METTL16: variants seen among roughly 807,000 people sequenced by gnomAD.
METTL16 encodes RNA N(6)-adenosine-methyltransferase METTL16.
METTL16 carries 19 observed loss-of-function variants against 57.9 expected under a neutral mutation model. The ratio of observed to expected loss-of-function variants is 0.33; its 90% CI spans 0.23 to 0.48. The LOEUF is 0.48. Among genes scored for constraint, METTL16 ranks in the 20% least tolerant of loss-of-function variants. The pLI is 0.99. For synonymous variants in METTL16, 246 were observed against 255.6 expected (o/e 0.96, Z 0.36); for missense variants, 434 against 691.5 (o/e 0.63, Z 4.18).
chr17:2,493,452 C>T (rs1231917261), intron 2 of METTL16, among the ~76,000 whole-genome samples: 1 of 151,714 alleles, frequency 6.6e-6, no homozygotes. Flanking sequence ...GGCGCTGTGG[C>T]TCACACCTGT....
chr17:2,436,224 T>A (rs180913870), intron 8 of METTL16, among the ~76,000 whole-genome samples: 1 of 152,240 alleles, frequency 6.6e-6, no homozygotes, highest in Non-Finnish European at 1.5e-5. Flanking sequence ...ACAGAAAGGA[T>A]AATTCTTCGG....
intron 1 of METTL16, among the ~76,000 whole-genome samples, chr17:2,504,422 TGA>T (rs2067514805): frequency 2.0e-5 from 3 of 151,898 alleles, no homozygotes; most frequent in African/African-American, 7.3e-5. Context: ...AACGTAAGAG[TGA>T]GTCTTTTTTT....
rs577442963 is a variant in METTL16 at position 2,491,994 on chromosome 17, G to A, written c.128+10210C>T. Among the ~76,000 whole-genome samples, 3 of 150,918 alleles carry A rather than the reference G, an allele frequency of 2.0e-5. 1 individual carries two copies. Among genetic ancestry groups the A allele is most frequent in the Non-Finnish European group, 3.0e-5 (2 of 67,778 alleles). ...TAGGAGGCCAAGGCTGACGGATCAC[G>A]AGGTCAGGAGATCGAGACCATCCTG... On this transcript the variant is annotated intron_variant, in intron 2 of 9. Transcript: ENST00000263092.
intron 4 of METTL16, 105 bp from the exon 5 acceptor site, chr17:2,467,981 T>C (rs1567896429): frequency 1.3e-6 from 1 of 761,374 alleles, no homozygotes; most frequent in Non-Finnish European, 2.3e-6. Context: ...TATATGATGG[T>C]GGTCCCGTAA....
chr17:2,438,534 GCT>G lies in METTL16; in HGVS notation c.799-338_799-337del, dbSNP rs559442736. On this transcript the variant is annotated intron_variant, in intron 7 of 9. Transcript: ENST00000263092. ...TTTTGTTTTTTTGAGACAGAGTCTT[GCT>G]CTGTCACCCAGGCTGGAGTGCAGTG... is the stretch of plus-strand genomic sequence containing the variant. Among the ~76,000 whole-genome samples, 11 of 152,204 alleles carry G rather than the reference GCT, an allele frequency of 7.2e-5. No individual in the cohort carries two copies. In the East Asian group the frequency reaches 2.1e-3, roughly 29 times the overall value.
Position 2,420,670 on chromosome 17 carries a change from AG to A in METTL16, c.1062+60del, listed in dbSNP as rs1038015750. ...CTCCAAACTCTCAATAAAAAAAAAA[AG>A]AAAAAAGAAAAAAGAGAAGGATCAT... On this transcript the variant is annotated intron_variant, in intron 9 of 9. Transcript: ENST00000263092. The surrounding 1 kb of genome is among the most constrained non-coding windows in gnomAD (Gnocchi z 5.4). 1.3e-6 allele frequency: 2 copies of A among 1,556,938 alleles called. No individual in the cohort carries two copies. The highest frequency in any genetic ancestry group is 2.9e-5 in the African/African-American group (2 of 68,024).
Position 2,481,476 on chromosome 17 carries a change from A to T in METTL16, c.129-3591T>A, listed in dbSNP as rs1265951294. 2.0e-5 allele frequency among the ~76,000 whole-genome samples: 3 copies of T among 152,210 alleles called. No individual in the cohort carries two copies. In the East Asian group the frequency reaches 5.8e-4, roughly 29 times the overall value. ...AAGGGATACAGCAAGCAAGACCCAAAAAAGCAGGCACAATTAAACAAAATT... is the reference window on the plus strand; with the variant it reads ...AAGGGATACAGCAAGCAAGACCCAATAAAGCAGGCACAATTAAACAAAATT... On this transcript the variant is annotated intron_variant, in intron 2 of 9. Coordinates refer to ENST00000263092, the MANE Select transcript of METTL16 (RefSeq NM_024086.4).
intron 3 of METTL16, among the ~76,000 whole-genome samples, chr17:2,475,738 T>TAA: frequency 1.3e-5 from 2 of 152,320 alleles, no homozygotes; most frequent in South Asian, 4.1e-4. Context: ...GGAAAGTACA[T>TAA]AATGGTAGAA....
At chr17:2,493,498 C>G (rs1214744582) in intron 2 of METTL16, among the ~76,000 whole-genome samples, 1 of 151,896 alleles carries the variant, frequency 6.6e-6, no homozygotes, top group Admixed American at 6.5e-5. Context: ...GCGGGCGGAT[C>G]ACTTGACGTC....
At chr17:2,427,011 C>T (rs1182888592) in intron 8 of METTL16, among the ~76,000 whole-genome samples, 1 of 150,694 alleles carries the variant, frequency 6.6e-6, no homozygotes, top group Non-Finnish European at 1.5e-5. Flanking sequence ...GGCATGGAGG[C>T]ATACACCTGT....
At chr17:2,443,100 C>T (rs1175750380) in intron 6 of METTL16, among the ~76,000 whole-genome samples, 13 of 152,206 alleles carry the variant, frequency 8.5e-5, no homozygotes, top group Non-Finnish European at 7.4e-5. Context: ...GCGATTTTCC[C>T]GCCTCAGCCT....
intron 1 of METTL16, among the ~76,000 whole-genome samples, chr17:2,508,097 T>G (rs1395940861): frequency 6.8e-6 from 1 of 146,402 alleles, no homozygotes; most frequent in Non-Finnish European, 1.5e-5. Flanking sequence ...AATCCCCCTC[T>G]GCGAGAAACA....
intron 6 of METTL16, among the ~76,000 whole-genome samples, chr17:2,458,859 T>A (rs2067129405): frequency 6.6e-6 from 1 of 150,918 alleles, no homozygotes; most frequent in Non-Finnish European, 1.5e-5. Flanking sequence ...CAAGCTGGAG[T>A]GCAGTGGTAC....
At chr17:2,466,067 C>T (rs1037087048) in intron 5 of METTL16, among the ~76,000 whole-genome samples, 1 of 151,596 alleles carries the variant, frequency 6.6e-6, no homozygotes, top group African/African-American at 2.4e-5. Context: ...GAGGTGCACG[C>T]TTATGATCCC....
At position 2,458,798 on chromosome 17, in the gene METTL16, T is replaced by C. The variant is rs1288572064; in HGVS notation, c.728+5410A>G. Among the ~76,000 whole-genome samples, 4 of 141,540 alleles carry C rather than the reference T, an allele frequency of 2.8e-5. No homozygotes were observed. In the East Asian group the frequency reaches 7.8e-4, roughly 27 times the overall value. 92.9% of individuals were successfully genotyped at this position (141,540 alleles called of 152,430 possible). Reference sequence around the variant, plus strand: ...TAATTTATCTAGAAGGTTAGATGGGTGAGTCCCTTTTTTTTTTTTCTTTTT... The same window carrying C: ...TAATTTATCTAGAAGGTTAGATGGGCGAGTCCCTTTTTTTTTTTTCTTTTT... On this transcript the variant is annotated intron_variant, in intron 6 of 9. Transcript: ENST00000263092.
Position 2,473,560 on chromosome 17 carries a change from T to G in METTL16, c.433A>C (p.Asn145His), listed in dbSNP as rs1429281695. The change falls in exon 4 of 10, where the codon AAT becomes CAT. Residue 145 changes from asparagine to histidine, a missense_variant. Coordinates refer to ENST00000263092, the MANE Select transcript of METTL16 (RefSeq NM_024086.4). ...DDMCFNYAKK[N>H]VEQNNLSDLI... ...TCAGATAAGTTATTCTGTTCCACAT[T>G]TTTCTTTGCATAGTTGAAACACATA... The G allele has an allele frequency of 6.2e-7, 1 of 1,614,094 alleles. No individual in the cohort carries two copies. Among genetic ancestry groups the G allele is most frequent in the South Asian group, 1.1e-5 (1 of 91,050 alleles).
chr17:2,458,481 G>C (rs575544592), intron 6 of METTL16, among the ~76,000 whole-genome samples: 216 of 152,158 alleles, frequency 1.4e-3, no homozygotes, highest in Non-Finnish European at 2.6e-3. Context: ...TGAGGCCAAG[G>C]GGGGCAGATC....
At chr17:2,421,456 C>G (rs73976526) in intron 8 of METTL16, among the ~76,000 whole-genome samples, 152 of 152,326 alleles carry the variant, frequency 1.0e-3, no homozygotes, top group African/African-American at 3.5e-3. Context: ...TCACACAGCT[C>G]AAGGTCACAC....
At chr17:2,449,166 TATA>T (rs766956659) in intron 6 of METTL16, among the ~76,000 whole-genome samples, 27 of 152,268 alleles carry the variant, frequency 1.8e-4, no homozygotes, top group Middle Eastern at 6.8e-3. Flanking sequence ...ATAAAGTTCG[TATA>T]ATGTGTGTAA....
Sources: allele counts gnomAD v4.1 joint callset (sites outside exome capture counted in the v4.1 genomes callset), GRCh38; gene constraint gnomAD v4.1.1; non-coding constraint Gnocchi (gnomAD v3.1); transcripts MANE v1.5; gene names NCBI Gene and HGNC (gene_info 2026-07-23, HGNC 2026-07-21).